FAM184A: variants seen among roughly 807,000 people sequenced by gnomAD.
The protein encoded by FAM184A is protein FAM184A.
FAM184A carries 99 observed loss-of-function variants against 143.8 expected under a neutral mutation model. The ratio of observed to expected loss-of-function variants is 0.69; its 90% CI spans 0.58 to 0.81. FAM184A has a LOEUF of 0.81. Ranked by LOEUF, FAM184A falls within the 40% of genes least tolerant of loss-of-function variation. The probability of loss-of-function intolerance (pLI) is 0.00; values close to 1 mark genes in which losing one functional copy is unlikely to be tolerated. For missense variants in FAM184A, 1,217 were observed against 1,310.5 expected (o/e 0.93, Z 1.10); for synonymous variants, 427 against 446.4 (o/e 0.96, Z 0.55).
intron 1 of FAM184A, among the ~76,000 whole-genome samples, chr6:119,132,372 G>A (rs755471151): frequency 2.0e-4 from 31 of 152,154 alleles, no homozygotes; most frequent in South Asian, 1.0e-3. Flanking sequence ...GCAGCAAATC[G>A]TGGTAAATCC....
intron 12 of FAM184A, among the ~76,000 whole-genome samples, chr6:118,975,427 G>A (rs1010177332): frequency 2.6e-5 from 4 of 152,140 alleles, no homozygotes; most frequent in Non-Finnish European, 5.9e-5. Context: ...AGATTACAAA[G>A]AACCCAAAAG....
intron 7 of FAM184A, chr6:119,005,963 CAA>C (rs1784904479): frequency 6.7e-6 from 4 of 596,482 alleles, no homozygotes; most frequent in Admixed American, 4.5e-5. Context: ...ACTGGGTCCC[CAA>C]AAAGATATAC....
At chr6:119,076,576 C>A (rs751790866) in intron 1 of FAM184A, among the ~76,000 whole-genome samples, 1 of 152,144 alleles carries the variant, frequency 6.6e-6, no homozygotes, top group Non-Finnish European at 1.5e-5. Flanking sequence ...TGAAGAGCAA[C>A]AGCATTTGTT....
intron 1 of FAM184A, among the ~76,000 whole-genome samples, chr6:119,107,792 A>AAAAAAAAAG (rs763545394): frequency 1.0e-4 from 14 of 136,460 alleles, no homozygotes; most frequent in East Asian, 4.7e-4. Context: ...AAAAAAAAAA[A>AAAAAAAAAG]AAAGAAAGAA....
chr6:118,984,118 C>T (rs1784105225), intron 9 of FAM184A, among the ~76,000 whole-genome samples: 1 of 139,604 alleles, frequency 7.2e-6, no homozygotes, highest in South Asian at 2.2e-4. Flanking sequence ...GCACTACACT[C>T]CAACCTGGGC....
At chr6:118,962,013 G>A in intron 16 of FAM184A, 50 bp from the exon 17 acceptor site, 2 of 1,549,302 alleles carry the variant, frequency 1.3e-6, no homozygotes, top group Non-Finnish European at 1.8e-6. Context: ...GAGGACAAAT[G>A]AGAAAATAGG....
At chr6:119,049,187 C>T (rs1328934849) in intron 1 of FAM184A, among the ~76,000 whole-genome samples, 4 of 152,208 alleles carry the variant, frequency 2.6e-5, no homozygotes, top group Non-Finnish European at 4.4e-5. Context: ...GTGGCTCACG[C>T]CTGTAATCCC....
At position 119,024,107 on chromosome 6, in the gene FAM184A, T is replaced by C. The variant is rs1319946052; in HGVS notation, c.866A>G (p.Lys289Arg). 1 of 1,614,228 alleles carries C rather than the reference T, an allele frequency of 6.2e-7. No individual in the cohort carries two copies. Among genetic ancestry groups the C allele is most frequent in the Admixed American group, 1.7e-5 (1 of 60,026 alleles). ...AATTGCTTCTTGTCCCTGAAATTCT[T>C]TTCTAAGATCAGCTTCCTTTTCTTT... ...ASKEKEADLR[K>R]EFQGQEAILR... is the part of the protein sequence containing the mutation. The change falls in exon 2 of 18, where the codon AAA (lysine) becomes AGA (arginine). Residue 289 changes from lysine (K) to arginine (R), a missense_variant. By Grantham distance (26) the Lys-to-Arg change is conservative (BLOSUM62 2). Transcript: ENST00000338891.
At chr6:119,115,487 C>G (rs1789031981) in intron 1 of FAM184A, among the ~76,000 whole-genome samples, 1 of 152,050 alleles carries the variant, frequency 6.6e-6, no homozygotes, top group Non-Finnish European at 1.5e-5. Context: ...AGACCAGGAG[C>G]TCGAGACCAC....
intron 14 of FAM184A, among the ~76,000 whole-genome samples, chr6:118,969,805 A>C (rs1448188429): frequency 5.9e-3 from 558 of 94,116 alleles, no homozygotes; most frequent in South Asian, 8.3e-3. Context: ...CCTGCCCCCC[A>C]CCCCGTGACA....
intron 9 of FAM184A, among the ~76,000 whole-genome samples, chr6:118,996,560 AG>A (rs1784552301): frequency 6.6e-6 from 1 of 152,096 alleles, no homozygotes; most frequent in East Asian, 1.9e-4. Flanking sequence ...ATCTTACTCC[AG>A]CCATCTCTTT....
intron 1 of FAM184A, among the ~76,000 whole-genome samples, chr6:119,143,204 T>C (rs1360415884): frequency 6.6e-6 from 1 of 152,218 alleles, no homozygotes; most frequent in East Asian, 1.9e-4. Context: ...ATTCCTTTAG[T>C]AGGAGAAACA....
At chr6:119,141,188 A>G (rs954544037) in intron 1 of FAM184A, among the ~76,000 whole-genome samples, 7 of 151,964 alleles carry the variant, frequency 4.6e-5, no homozygotes, top group Admixed American at 2.0e-4. Context: ...TAAAATAACA[A>G]CACTTTAAAA....
chr6:118,964,913 A>G, intron 15 of FAM184A, 142 bp from the exon 16 acceptor site: 1 of 569,386 alleles, frequency 1.8e-6, no homozygotes, highest in Non-Finnish European at 3.1e-6. Context: ...ATTTCTTGAC[A>G]TGATTGCTGC....
chr6:119,131,517 G>T (rs1316128260), intron 1 of FAM184A, among the ~76,000 whole-genome samples: 1 of 151,996 alleles, frequency 6.6e-6, no homozygotes, highest in Non-Finnish European at 1.5e-5. Context: ...AGAGGGTCTT[G>T]CTCTATTGCC....
chr6:119,106,871 G>A (rs537987128), intron 1 of FAM184A, among the ~76,000 whole-genome samples: 1 of 152,302 alleles, frequency 6.6e-6, no homozygotes, highest in South Asian at 2.1e-4. Context: ...AATCTGGTAA[G>A]TTACGGTGAA....
At chr6:119,110,167 G>A (rs573220738) in intron 1 of FAM184A, among the ~76,000 whole-genome samples, 1 of 152,190 alleles carries the variant, frequency 6.6e-6, no homozygotes, top group African/African-American at 2.4e-5. Context: ...GGGATCCTGG[G>A]GCACCTCACC....
intron 4 of FAM184A, among the ~76,000 whole-genome samples, chr6:119,018,045 C>CA (rs1184871356): frequency 3.3e-5 from 5 of 152,194 alleles, no homozygotes; most frequent in Admixed American, 1.3e-4. Flanking sequence ...AACTGCAAGC[C>CA]AAATATCCGT....
intron 1 of FAM184A, among the ~76,000 whole-genome samples, chr6:119,039,987 G>T (rs1197186127): frequency 6.6e-6 from 1 of 152,210 alleles, no homozygotes; most frequent in African/African-American, 2.4e-5. Flanking sequence ...CATGCAGGCA[G>T]CCCACCCTTA....
Sources: gnomAD v4.1 joint callset for allele counts (sites outside exome capture counted in the v4.1 genomes callset) on GRCh38, gnomAD v4.1.1 for gene constraint, MANE v1.5 for transcripts, NCBI Gene and HGNC (gene_info 2026-07-23, HGNC 2026-07-21) for gene names.